Variants in RPTOR observed in about 807,000 individuals in gnomAD.
RPTOR encodes the protein regulatory associated protein of MTOR complex 1.
RPTOR carries 21 observed loss-of-function variants against 169.9 expected under a neutral mutation model. The observed-to-expected ratio is 0.12, with a 90% confidence interval of 0.09 to 0.18. The LOEUF is 0.18. RPTOR is among the 10% of genes least tolerant of loss of function. RPTOR has a pLI of 1.00. For synonymous variants in RPTOR, 732 were observed against 753.2 expected (o/e 0.97, Z 0.46); for missense variants, 1,133 against 1,855.9 (o/e 0.61, Z 7.16).
At position 80,901,549 on chromosome 17, in the gene RPTOR, C is replaced by T. The variant is rs566493076; in HGVS notation, c.2402-7262C>T. ...ATTCAGTGAGGTGTCACTCACACCACCTGGAAACCACCGTGCTTACCTAAG... is the reference window on the plus strand; with the variant it reads ...ATTCAGTGAGGTGTCACTCACACCATCTGGAAACCACCGTGCTTACCTAAG... On this transcript the variant is annotated intron_variant, in intron 20 of 33. Transcript: ENST00000306801. 1.2e-4 allele frequency among the ~76,000 whole-genome samples: 19 copies of T among 152,292 alleles called. No homozygotes were observed. In the East Asian group the frequency reaches 3.7e-3, roughly 29 times the overall value.
intron 1 of RPTOR, among the ~76,000 whole-genome samples, chr17:80,612,274 T>C (rs1383471799): frequency 6.6e-6 from 1 of 152,128 alleles, no homozygotes; most frequent in Non-Finnish European, 1.5e-5. Context: ...GGACTACAGG[T>C]GTGCACCACT....
rs1401609167 is a variant in RPTOR at position 80,861,731 on chromosome 17, C to T, written c.1509+3831C>T. Among the ~76,000 whole-genome samples the T allele has an allele frequency of 6.6e-6, 1 of 152,214 alleles. No individual in the cohort carries two copies. The highest frequency in any genetic ancestry group is 1.5e-5 in the Non-Finnish European group (1 of 68,038). On this transcript the variant is annotated intron_variant, in intron 13 of 33. Coordinates refer to ENST00000306801, the MANE Select transcript of RPTOR (RefSeq NM_020761.3). The surrounding 1 kb of genome is among the most constrained non-coding windows in gnomAD (Gnocchi z 4.5). ...ATTACGGCCGCCTGAGCCTGCTCCCCAGCACCGCCAGTGCTGCAGGAACGT... is the reference window on the plus strand; with the variant it reads ...ATTACGGCCGCCTGAGCCTGCTCCCTAGCACCGCCAGTGCTGCAGGAACGT...
intron 3 of RPTOR, among the ~76,000 whole-genome samples, chr17:80,702,667 A>T (rs1308648571): frequency 6.6e-6 from 1 of 152,188 alleles, no homozygotes; most frequent in Non-Finnish European, 1.5e-5. Context: ...TTCTCTACGC[A>T]ATAGGTAAGA....
In RPTOR at chr17:80,545,108, A is replaced by T. The variant is rs1023599002; in HGVS notation, c.-522A>T. On this transcript the variant is annotated 5_prime_UTR_variant, in exon 1 of 34. It introduces an in-frame stop codon into an upstream open reading frame of the 5' UTR. Coordinates refer to ENST00000306801, the MANE Select transcript of RPTOR (RefSeq NM_020761.3). ...GTCGTGGCTCTGGTTGCAGCAGCTC[A>T]GACGAGTGCGGGACCCGCAGGGCTG... The T allele has an allele frequency of 4.3e-6, 1 of 233,846 alleles. No individual in the cohort carries two copies. The highest frequency in any genetic ancestry group is 8.5e-6 in the Non-Finnish European group (1 of 118,290). 14.5% of individuals were successfully genotyped at this position (233,846 alleles called of 1,614,324 possible). A position where few individuals can be genotyped will look rare whatever the true frequency, so the allele number is the denominator to read the frequency against.
At chr17:80,644,326 T>TTGG (rs2065576883) in intron 3 of RPTOR, among the ~76,000 whole-genome samples, 1 of 149,242 alleles carries the variant, frequency 6.7e-6, no homozygotes. Context: ...TTTTTTTTTT[T>TTGG]GGCTTATATC....
chr17:80,622,715 A>C (rs867571699), intron 1 of RPTOR, among the ~76,000 whole-genome samples: 32 of 152,292 alleles, frequency 2.1e-4, no homozygotes, highest in Middle Eastern at 3.4e-3. Context: ...CATCCTGGGC[A>C]ACATGACAAA....
rs1024198716 is a variant in RPTOR at position 80,916,927 on chromosome 17, G to A, written c.2521-5797G>A. 2.6e-5 allele frequency among the ~76,000 whole-genome samples: 4 copies of A among 152,078 alleles called. No individual in the cohort carries two copies. In the East Asian group the frequency reaches 7.7e-4, roughly 29 times the overall value. On this transcript the variant is annotated intron_variant, in intron 21 of 33. Coordinates refer to ENST00000306801, the MANE Select transcript of RPTOR (RefSeq NM_020761.3). ...TGCTCGAACCCAGGAGACGGAGATT[G>A]CGGTGAGCCAAGATCACACCACTGC...
At position 80,726,064 on chromosome 17, in the gene RPTOR, G is replaced by A. The variant is rs7359577; in HGVS notation, c.508-4496G>A. 1.2e-3 allele frequency among the ~76,000 whole-genome samples: 177 copies of A among 152,264 alleles called. No homozygotes were observed. The highest frequency in any genetic ancestry group is 4.1e-3 in the African/African-American group (170 of 41,554). On this transcript the variant is annotated intron_variant, in intron 4 of 33. Transcript: ENST00000306801. This position sits in a 1 kb window ranked among gnomAD's most constrained non-coding sequence, Gnocchi z 4.5. ...AGGGCAGCCCCACAAGGAGCGGCCC[G>A]GCCCCAAATGGCCCTGGTGCTGAGA...
chr17:80,706,831 T>G (rs2066145785), intron 3 of RPTOR, among the ~76,000 whole-genome samples: 1 of 152,208 alleles, frequency 6.6e-6, no homozygotes, highest in Admixed American at 6.5e-5. Context: ...ATCTTAAGAA[T>G]GTTGACTCAG....
At chr17:80,824,462 AAAAT>A (rs1248917312) in intron 9 of RPTOR, among the ~76,000 whole-genome samples, 1 of 152,252 alleles carries the variant, frequency 6.6e-6, no homozygotes, top group African/African-American at 2.4e-5. Context: ...ACATTTTTTA[AAAAT>A]AAATACTTAG....
Position 80,885,124 on chromosome 17 carries a change from C to T in RPTOR, c.1959C>T (p.Ser653=), listed in dbSNP as rs368606627. 3.6e-5 allele frequency: 57 copies of T among 1,563,498 alleles called. No homozygotes were observed. The highest frequency in any genetic ancestry group is 1.9e-5 in the Admixed American group (1 of 51,910). ...CCATGATGCTGGCCCAGCTGGTCAG[C>T]GACGGGAGCCCCATGGTCCGGAAGG... ...NVAMMLAQLV[S]DGSPMVRKEL... Residue 653 remains serine (S), a synonymous_variant, in exon 17 of 34, where the codon AGC becomes AGT. Transcript: ENST00000306801.
At chr17:80,923,770 G>A in intron 23 of RPTOR, 97 bp downstream of exon 23, 2 of 1,328,468 alleles carry the variant, frequency 1.5e-6, no homozygotes, top group Non-Finnish European at 2.0e-6. Context: ...ACATCACCAT[G>A]GGATGGGGCA....
chr17:80,960,687 G>A lies in RPTOR; in HGVS notation c.3605+482G>A, dbSNP rs530066699. 7.6e-5 allele frequency: 15 copies of A among 196,848 alleles called. No homozygotes were observed. The highest frequency in any genetic ancestry group is 1.6e-4 in the African/African-American group (7 of 43,612). The allele number at this position is 196,848 out of a possible 1,614,324, so 12.2% of individuals were successfully genotyped here. Reference sequence around the variant, plus strand: ...GCACCCCTGTGGGCAGGTGCTGTCCGCGTCTGGCAGAGGACAGGGTACACG... The same window carrying A: ...GCACCCCTGTGGGCAGGTGCTGTCCACGTCTGGCAGAGGACAGGGTACACG... On this transcript the variant is annotated intron_variant, in intron 30 of 33. Coordinates refer to ENST00000306801, the MANE Select transcript of RPTOR (RefSeq NM_020761.3). The surrounding 1 kb of genome is among the most constrained non-coding windows in gnomAD (Gnocchi z 4.8).
At chr17:80,918,415 G>C (rs367605528) in intron 21 of RPTOR, among the ~76,000 whole-genome samples, 67 of 127,196 alleles carry the variant, frequency 5.3e-4, no homozygotes, top group African/African-American at 1.8e-3. Context: ...GCACCCTCGC[G>C]GGGGTCATAG....
At chr17:80,851,979 G>A (rs1012327189) in intron 11 of RPTOR, among the ~76,000 whole-genome samples, 20 of 152,144 alleles carry the variant, frequency 1.3e-4, no homozygotes, top group African/African-American at 3.9e-4. Flanking sequence ...GATTTCTGAC[G>A]ATTGCAGCCA....
chr17:80,889,838 G>A (rs1453278550), intron 17 of RPTOR, among the ~76,000 whole-genome samples: 1 of 119,236 alleles, frequency 8.4e-6, no homozygotes, highest in Non-Finnish European at 1.8e-5. Context: ...AGGATGTGCG[G>A]CCTCCGAGGG....
rs1341035763 is a variant in RPTOR, at chr17:80,923,717, T to C, written c.2808+44T>C. The C allele has an allele frequency of 2.7e-6, 4 of 1,505,180 alleles. No homozygotes were observed. In the Admixed American group the frequency reaches 8.2e-5, roughly 31 times the overall value. 93.2% of individuals were successfully genotyped at this position (1,505,180 alleles called of 1,614,324 possible). On this transcript the variant is annotated intron_variant, in intron 23 of 33. Transcript: ENST00000306801. Reference sequence around the variant, plus strand: ...CTGGTGATCTGGACACTGAGAGCGTTGCTTCTCAGATGGGGGCTCATGGCC... The same window carrying C: ...CTGGTGATCTGGACACTGAGAGCGTCGCTTCTCAGATGGGGGCTCATGGCC...
intron 1 of RPTOR, among the ~76,000 whole-genome samples, chr17:80,560,932 G>C (rs1275301572): frequency 1.4e-5 from 2 of 145,210 alleles, no homozygotes; most frequent in Non-Finnish European, 3.1e-5. Context: ...GAGAAGAGAA[G>C]AACTGAGAGA....
intron 25 of RPTOR, among the ~76,000 whole-genome samples, chr17:80,941,575 C>G (rs184103681): frequency 6.6e-6 from 1 of 152,258 alleles, no homozygotes; most frequent in African/African-American, 2.4e-5. Context: ...CCAGCTCTGG[C>G]TGGGGGACCT....
Sources: allele counts gnomAD v4.1 joint callset (sites outside exome capture counted in the v4.1 genomes callset), GRCh38; gene constraint gnomAD v4.1.1; non-coding constraint Gnocchi (gnomAD v3.1); transcripts MANE v1.5; gene names NCBI Gene and HGNC (gene_info 2026-07-23, HGNC 2026-07-21).